SCML4: variants seen among roughly 807,000 people sequenced by gnomAD.
The protein encoded by SCML4 is Scm polycomb group protein like 4, also known as sex comb on midleg-like protein 4.
A neutral mutation model predicts 41.1 loss-of-function variants in SCML4; 34 were observed. The observed-to-expected ratio is 0.83, with a 90% confidence interval of 0.63 to 1.10. The LOEUF (loss-of-function observed/expected upper bound fraction) is 1.10, where lower values mean the gene tolerates loss of function less well. SCML4 is among the 50% of genes least tolerant of loss of function. SCML4 has a pLI of 0.00. For synonymous variants in SCML4, 214 were observed against 220.9 expected (o/e 0.97, Z 0.28); for missense variants, 522 against 534.1 (o/e 0.98, Z 0.22).
chr6:107,764,179 C>T (rs1257739745), intron 2 of SCML4, among the ~76,000 whole-genome samples: 1 of 152,182 alleles, frequency 6.6e-6, no homozygotes, highest in Non-Finnish European at 1.5e-5. Flanking sequence ...GATCTAATTC[C>T]ATTCCTAGGA....
At chr6:107,727,910 G>T (rs982095075) in intron 5 of SCML4, among the ~76,000 whole-genome samples, 2 of 152,182 alleles carry the variant, frequency 1.3e-5, no homozygotes, top group Non-Finnish European at 2.9e-5. Flanking sequence ...CAGGTGCTTT[G>T]GTATATGTGA....
At position 107,749,803 on chromosome 6, in the gene SCML4, C is replaced by G. The variant is rs781322087; in HGVS notation, c.167G>C (p.Arg56Pro). ...GRKPGYKIKS[R>P]VLMTPLALSP... ...GAGGGCTAAGGGAGTCATGAGAACC[C>G]GAGACTTGATCTGGAAGAGAGAGCC... Residue 56 changes from arginine to proline, a missense_variant, in exon 3 of 8, where the codon CGG becomes CCG. Arg to Pro is a moderately radical substitution (Grantham distance 103). Transcript: ENST00000369020. The G allele has an allele frequency of 1.2e-6, 2 of 1,613,868 alleles. No homozygotes were observed. The highest frequency in any genetic ancestry group is 4.5e-5 in the East Asian group (2 of 44,882).
chr6:107,725,947 C>T (rs1416467200), intron 5 of SCML4, among the ~76,000 whole-genome samples: 2 of 151,446 alleles, frequency 1.3e-5, no homozygotes, highest in Non-Finnish European at 2.9e-5. Flanking sequence ...CATGGTGATG[C>T]GAGTCTGTAA....
chr6:107,825,355 C>T (rs77180403), upstream of SCML4, among the ~76,000 whole-genome samples: 690 of 152,240 alleles, frequency 4.5e-3, 5 homozygotes, highest in East Asian at 0.025. Context: ...TGGCCAGTTA[C>T]TGAGAGTGAA....
intron 5 of SCML4, among the ~76,000 whole-genome samples, chr6:107,731,369 C>A (rs992828427): frequency 2.6e-5 from 4 of 152,338 alleles, no homozygotes; most frequent in African/African-American, 9.6e-5. Context: ...AACAATTCCA[C>A]TATGCAAAAT....
chr6:107,711,875 G>A (rs528772763), intron 6 of SCML4, among the ~76,000 whole-genome samples: 12 of 152,242 alleles, frequency 7.9e-5, no homozygotes, highest in East Asian at 5.8e-4. Flanking sequence ...TGCCTGAGAC[G>A]TGCATGCTGC....
chr6:107,832,808 T>A, the SCML4 span, among the ~76,000 whole-genome samples: 1 of 152,158 alleles, frequency 6.6e-6, no homozygotes, highest in African/African-American at 2.4e-5. Context: ...GAGGATAGGG[T>A]GCTGCGCGCC....
intron 1 of SCML4, among the ~76,000 whole-genome samples, chr6:107,807,817 A>T (rs1465072590): frequency 6.6e-6 from 1 of 152,240 alleles, no homozygotes; most frequent in Non-Finnish European, 1.5e-5. Flanking sequence ...TTGTACGGAA[A>T]GGGGGCTATG....
upstream of SCML4, among the ~76,000 whole-genome samples, chr6:107,827,737 C>T (rs950288471): frequency 3.9e-5 from 6 of 152,336 alleles, no homozygotes; most frequent in South Asian, 4.1e-4. Flanking sequence ...TCTCTCCACA[C>T]GAGTGCTACT....
At chr6:107,819,141 C>T (rs1045185797) in intron 1 of SCML4, among the ~76,000 whole-genome samples, 20 of 108,148 alleles carry the variant, frequency 1.8e-4, no homozygotes, top group Admixed American at 6.7e-4. Flanking sequence ...GTCTAGTGCT[C>T]GGTTGGAAGG....
At chr6:107,809,081 T>C (rs1783961535) in intron 1 of SCML4, among the ~76,000 whole-genome samples, 1 of 151,236 alleles carries the variant, frequency 6.6e-6, no homozygotes. Context: ...GATCCCTTAG[T>C]GTCCTTATCA....
At chr6:107,816,256 C>T (rs1302199905) in intron 1 of SCML4, among the ~76,000 whole-genome samples, 2 of 152,216 alleles carry the variant, frequency 1.3e-5, no homozygotes, top group East Asian at 1.9e-4. Context: ...TCATGCTTCC[C>T]TCCACATCCC....
intron 2 of SCML4, among the ~76,000 whole-genome samples, chr6:107,757,814 A>G (rs1349128252): frequency 6.6e-6 from 1 of 152,180 alleles, no homozygotes; most frequent in Non-Finnish European, 1.5e-5. Context: ...TTTCTTGTTC[A>G]TGAAGTGATG....
chr6:107,820,065 T>C (rs1716245043), intron 1 of SCML4, among the ~76,000 whole-genome samples: 1 of 152,222 alleles, frequency 6.6e-6, no homozygotes, highest in Admixed American at 6.5e-5. Flanking sequence ...GAATGCACAA[T>C]TGCAGCTTGC....
chr6:107,778,845 G>T (rs1583564380), intron 1 of SCML4, among the ~76,000 whole-genome samples: 1 of 152,106 alleles, frequency 6.6e-6, no homozygotes, highest in East Asian at 1.9e-4. Context: ...AGACAGTGAG[G>T]CTCAAACACT....
At chr6:107,770,687 T>C (rs1262114995) in intron 2 of SCML4, among the ~76,000 whole-genome samples, 1 of 152,154 alleles carries the variant, frequency 6.6e-6, no homozygotes, top group East Asian at 1.9e-4. Context: ...ACTACCCTTT[T>C]GAGGAGACAG....
intron 1 of SCML4, among the ~76,000 whole-genome samples, chr6:107,786,746 A>G (rs139942906): frequency 6.6e-6 from 1 of 152,336 alleles, no homozygotes; most frequent in Non-Finnish European, 1.5e-5. Context: ...CTGAGGCAGC[A>G]GAGTCCAGCC....
intron 1 of SCML4, among the ~76,000 whole-genome samples, chr6:107,821,453 A>G (rs1244307756): frequency 6.6e-6 from 1 of 152,254 alleles, no homozygotes; most frequent in Non-Finnish European, 1.5e-5. Flanking sequence ...AAAAGAAAGA[A>G]GCTTGTGTGA....
chr6:107,813,404 ATATATATATATATATATAT>A, intron 1 of SCML4, among the ~76,000 whole-genome samples: 1 of 57,108 alleles, frequency 1.8e-5, no homozygotes, highest in South Asian at 6.0e-4. Context: ...ATATATATAT[ATATATATATATATATATAT>A]AAAACTGTAA....
Sources: gnomAD v4.1 joint callset for allele counts (sites outside exome capture counted in the v4.1 genomes callset) on GRCh38, gnomAD v4.1.1 for gene constraint, MANE v1.5 for transcripts, NCBI Gene and HGNC (gene_info 2026-07-23, HGNC 2026-07-21) for gene names.